Variants in RTTN observed in about 807,000 individuals in gnomAD.
The protein encoded by RTTN is rotatin.
A neutral mutation model predicts 269.2 loss-of-function variants in RTTN; 182 were observed. That is an observed-to-expected ratio of 0.68 (90% CI 0.60 to 0.76). The LOEUF is 0.76. Ranked by LOEUF, RTTN falls within the 30% of genes least tolerant of loss-of-function variation. The pLI is 0.00. For synonymous variants in RTTN, 1,006 were observed against 963.5 expected (o/e 1.04, Z -0.82); for missense variants, 2,545 against 2,608.6 (o/e 0.98, Z 0.53).
intron 45 of RTTN, among the ~76,000 whole-genome samples, chr18:70,018,037 G>A (rs1599120931): frequency 6.6e-6 from 1 of 152,044 alleles, no homozygotes; most frequent in African/African-American, 2.4e-5. Flanking sequence ...CCCTATGGAA[G>A]GAAAAAAGGC....
chr18:70,202,455 T>C (rs1240799565), intron 3 of RTTN, among the ~76,000 whole-genome samples: 1 of 152,230 alleles, frequency 6.6e-6, no homozygotes, highest in Admixed American at 6.5e-5. Context: ...TCAGCTGCAA[T>C]GAAAATGAGG....
At chr18:70,107,662 T>G (rs1265619639) in intron 28 of RTTN, among the ~76,000 whole-genome samples, 2 of 151,980 alleles carry the variant, frequency 1.3e-5, no homozygotes, top group African/African-American at 4.8e-5. Flanking sequence ...TAAACTAAAC[T>G]AAAAGTAGAA....
intron 46 of RTTN, chr18:70,006,774 A>G: frequency 3.3e-6 from 1 of 304,748 alleles, no homozygotes; most frequent in East Asian, 6.3e-5. Flanking sequence ...GTGTGTAAAA[A>G]TAAGTATACA....
intron 40 of RTTN, among the ~76,000 whole-genome samples, chr18:70,033,465 CCTGAATAACTTTTGGG>C (rs1205703138): frequency 3.3e-5 from 5 of 152,172 alleles, no homozygotes; most frequent in African/African-American, 1.2e-4. Context: ...GCATCCTGCT[CCTGAATAACTTTTGGG>C]CAAATAATGA....
intron 32 of RTTN, among the ~76,000 whole-genome samples, chr18:70,082,863 T>A (rs1599440436): frequency 6.6e-6 from 1 of 152,036 alleles, no homozygotes; most frequent in Non-Finnish European, 1.5e-5. Flanking sequence ...GGCCAATTTT[T>A]AAAATTTTTT....
At chr18:70,197,768 G>A in intron 5 of RTTN, 30 bp from the exon 6 acceptor site, 1 of 1,376,442 alleles carries the variant, frequency 7.3e-7, no homozygotes, top group East Asian at 2.3e-5. Flanking sequence ...TCATTTTTAA[G>A]AAGAGTTCAT....
In RTTN at chr18:70,121,544, A is replaced by G. The variant is rs1336671936; in HGVS notation, c.3528+12T>C. The G allele has an allele frequency of 1.9e-6, 3 of 1,544,878 alleles. No homozygotes were observed. The highest frequency in any genetic ancestry group is 2.6e-6 in the Non-Finnish European group (3 of 1,155,350). On this transcript the variant is annotated intron_variant, in intron 26 of 48. Transcript: ENST00000640769. ...CCCAAACTTAAAATCCAAATTCCTT[A>G]ACACCACTTACATGTCTAAGAAGTA... is the stretch of plus-strand genomic sequence containing the variant.
At chr18:70,165,017 A>G (rs576372089) in intron 14 of RTTN, among the ~76,000 whole-genome samples, 40 of 152,354 alleles carry the variant, frequency 2.6e-4, no homozygotes, top group Admixed American at 5.2e-4. Flanking sequence ...AAGTGCTAAT[A>G]AAAACTAGCA....
Position 70,065,904 on chromosome 18 carries a change from T to G in RTTN, c.4672A>C (p.Ser1558Arg). 7 of 1,599,138 alleles carry G rather than the reference T, an allele frequency of 4.4e-6. No homozygotes were observed. The highest frequency in any genetic ancestry group is 6.0e-6 in the Non-Finnish European group (7 of 1,171,908). ...TGCACAAGTGGCTGAAATTCAGTAC[T>G]CCCCAATGAAGGTGCCACCTATGAA... ...SETTVAPSLG[S>R]TEFQPLVQST... The change falls in exon 35 of 49, where the codon AGT (serine) becomes CGT (arginine). Residue 1558 changes from serine to arginine, a missense_variant. By Grantham distance (110) the Ser-to-Arg change is moderately radical. Coordinates refer to ENST00000640769, the MANE Select transcript of RTTN (RefSeq NM_173630.4).
In RTTN at chr18:70,205,632, T is replaced by C. The variant is rs1555784718; in HGVS notation, c.27A>G (p.Lys9=). 9 of 1,613,940 alleles carry C rather than the reference T, an allele frequency of 5.6e-6. No homozygotes were observed. The highest frequency in any genetic ancestry group is 7.6e-6 in the Non-Finnish European group (9 of 1,179,984). Residue 9 remains lysine (K), a synonymous_variant, in exon 1 of 49, where the codon AAA becomes AAG. Transcript: ENST00000640769. ...GAGGGGCAAGCTGACAGTTACCGAGTTTCCTGATGAGCCCTGCCAGGACCA... is the reference window on the plus strand; with the variant it reads ...GAGGGGCAAGCTGACAGTTACCGAGCTTCCTGATGAGCCCTGCCAGGACCA... The part of the protein sequence containing the change: MVLAGLIR[K]LGHQLAEIRE...
intron 27 of RTTN, 96 bp from the exon 28 acceptor site, chr18:70,109,813 TA>T: frequency 2.2e-6 from 2 of 926,278 alleles, no homozygotes; most frequent in African/African-American, 1.7e-5. Context: ...AAACTCATAG[TA>T]ATAGAAAAAA....
chr18:70,141,090 G>T (rs775286538), intron 19 of RTTN, among the ~76,000 whole-genome samples: 2 of 151,908 alleles, frequency 1.3e-5, no homozygotes, highest in African/African-American at 2.4e-5. Flanking sequence ...AGTTTTTCTT[G>T]ATCTTTTTTT....
intron 9 of RTTN, among the ~76,000 whole-genome samples, chr18:70,189,633 G>A (rs1006366621): frequency 2.4e-4 from 36 of 152,164 alleles, no homozygotes; most frequent in African/African-American, 8.4e-4. Flanking sequence ...CCTGCTTTTA[G>A]CCGTTTGACT....
intron 43 of RTTN, 80 bp from the exon 44 acceptor site, chr18:70,024,928 C>A: frequency 1.3e-6 from 2 of 1,496,858 alleles, no homozygotes; most frequent in Non-Finnish European, 1.8e-6. Context: ...CAACAGAAAG[C>A]CATCAACATA....
At chr18:70,046,057 AT>A (rs149091719) in intron 40 of RTTN, among the ~76,000 whole-genome samples, 110 of 150,892 alleles carry the variant, frequency 7.3e-4, no homozygotes, top group African/African-American at 2.4e-3. Context: ...TCTAGCACAG[AT>A]TTTTTTTTTC....
intron 46 of RTTN, chr18:70,007,349 G>A (rs186323545): frequency 1.3e-5 from 2 of 153,244 alleles, no homozygotes; most frequent in African/African-American, 2.4e-5. Context: ...GGCAGTCACC[G>A]AGCCAGCTGC....
chr18:70,168,751 C>T lies in RTTN; in HGVS notation c.1689+104G>A, dbSNP rs2061057405. 7.3e-6 allele frequency: 6 copies of T among 818,778 alleles called. No homozygotes were observed. In the Admixed American group the frequency reaches 9.9e-5, roughly 13 times the overall value. 50.7% of individuals were successfully genotyped at this position (818,778 alleles called of 1,614,324 possible). A position where few individuals can be genotyped will look rare whatever the true frequency, so the allele number is the denominator to read the frequency against. Reference sequence around the variant, plus strand: ...TGACCCACTCAGGAATAATGTATCCCACCTGTGACAATTTAATTATATGTC... The same window carrying T: ...TGACCCACTCAGGAATAATGTATCCTACCTGTGACAATTTAATTATATGTC... On this transcript the variant is annotated intron_variant, in intron 12 of 48. Transcript: ENST00000640769.
intron 29 of RTTN, 125 bp downstream of exon 29, chr18:70,092,551 T>C: frequency 2.9e-6 from 3 of 1,019,904 alleles, no homozygotes; most frequent in Non-Finnish European, 4.2e-6. Flanking sequence ...TCATTCACGT[T>C]ACCTAAAAAG....
chr18:70,174,740 G>C (rs1254848607), intron 11 of RTTN, among the ~76,000 whole-genome samples: 1 of 151,472 alleles, frequency 6.6e-6, no homozygotes, highest in South Asian at 2.1e-4. Flanking sequence ...GAATAAACAG[G>C]CCAGGTGCAG....
Sources: gnomAD v4.1 joint callset for allele counts (sites outside exome capture counted in the v4.1 genomes callset) on GRCh38, gnomAD v4.1.1 for gene constraint, MANE v1.5 for transcripts, NCBI Gene and HGNC (gene_info 2026-07-23, HGNC 2026-07-21) for gene names.